Variants in PCLO observed in about 807,000 individuals in gnomAD.
PCLO encodes the protein protein piccolo.
Under a neutral mutation model 427.5 loss-of-function variants are expected in PCLO, and 82 were observed. The observed-to-expected ratio is 0.19, with a 90% confidence interval of 0.16 to 0.23. PCLO has a LOEUF of 0.23. PCLO is among the 10% of genes least tolerant of loss of function. The pLI is 1.00. For synonymous variants in PCLO, 2,357 were observed against 2,155.4 expected, an observed-to-expected ratio of 1.09 and a Z score of -2.59; for missense variants, 6,239 against 6,115.9, an observed-to-expected ratio of 1.02 and a Z score of -0.67.
rs139337290 is a variant in PCLO, at chr7:82,873,329, C to A, written c.13654+6008G>T. 2.6e-3 allele frequency among the ~76,000 whole-genome samples: 398 copies of A among 151,952 alleles called. 1 individual carries two copies. Among genetic ancestry groups the A allele is most frequent in the Non-Finnish European group, 4.5e-3 (306 of 67,956 alleles). On this transcript the variant is annotated intron_variant, in intron 10 of 24. Coordinates refer to ENST00000333891, the MANE Select transcript of PCLO (RefSeq NM_033026.6). ...CACACTCCCGTCATCCTCTTCCACTCTCATTAGAATCAATGAGATGTAAGG... is the reference window on the plus strand; with the variant it reads ...CACACTCCCGTCATCCTCTTCCACTATCATTAGAATCAATGAGATGTAAGG...
rs571108517 is a variant in PCLO at position 83,146,920 on chromosome 7, G to A, written c.1893+7828C>T. 5.9e-5 allele frequency among the ~76,000 whole-genome samples: 9 copies of A among 151,952 alleles called. No individual in the cohort carries two copies. In the South Asian group the frequency reaches 1.9e-3, roughly 32 times the overall value. ...CCCAGACCCAATAAATGATCTTAAC[G>A]GTGGGTATCTGCCTTCACAGCAGAA... On this transcript the variant is annotated intron_variant, in intron 2 of 24. Transcript: ENST00000333891.
At chr7:82,967,205 T>TC (rs1237680739) in intron 3 of PCLO, among the ~76,000 whole-genome samples, 1 of 133,268 alleles carries the variant, frequency 7.5e-6, no homozygotes, top group African/African-American at 4.0e-5. Context: ...TTCTTTTTTT[T>TC]TTTTTTTTTG....
intron 3 of PCLO, among the ~76,000 whole-genome samples, chr7:83,087,633 T>C (rs1209302671): frequency 6.6e-6 from 1 of 152,184 alleles, no homozygotes; most frequent in East Asian, 1.9e-4. Flanking sequence ...TTTATCATTT[T>C]TCTTTATATC....
intron 22 of PCLO, among the ~76,000 whole-genome samples, chr7:82,781,269 A>G (rs558312293): frequency 6.6e-6 from 1 of 151,916 alleles, no homozygotes; most frequent in African/African-American, 2.4e-5. Flanking sequence ...GACTTACAAT[A>G]TAAAGAAACT....
intron 2 of PCLO, among the ~76,000 whole-genome samples, chr7:83,148,538 T>A (rs549660049): frequency 6.6e-6 from 1 of 152,290 alleles, no homozygotes; most frequent in South Asian, 2.1e-4. Flanking sequence ...GTTTTTTAAC[T>A]CTATGCAATC....
At chr7:83,000,685 T>C (rs1029456724) in intron 3 of PCLO, among the ~76,000 whole-genome samples, 1 of 152,062 alleles carries the variant, frequency 6.6e-6, no homozygotes, top group Non-Finnish European at 1.5e-5. Context: ...GCTGCTCATG[T>C]CCTGCTGTGT....
intron 22 of PCLO, among the ~76,000 whole-genome samples, chr7:82,772,565 C>T (rs1323160984): frequency 6.6e-6 from 1 of 152,066 alleles, no homozygotes; most frequent in African/African-American, 2.4e-5. Flanking sequence ...ATATTTTATA[C>T]AATAAGGCAG....
chr7:83,018,068 T>C (rs1232951492), intron 3 of PCLO: 1 of 152,020 alleles, frequency 6.6e-6, no homozygotes, highest in East Asian at 1.9e-4. Flanking sequence ...ATTAAATTTA[T>C]TATCCATTTG....
At chr7:82,771,065 C>T (rs1790637501) in intron 22 of PCLO, among the ~76,000 whole-genome samples, 1 of 151,690 alleles carries the variant, frequency 6.6e-6, no homozygotes, top group African/African-American at 2.4e-5. Flanking sequence ...AAGAGGGAAG[C>T]AGAATGTAAC....
At chr7:82,786,631 T>C (rs961563131) in intron 22 of PCLO, among the ~76,000 whole-genome samples, 4 of 152,284 alleles carry the variant, frequency 2.6e-5, no homozygotes, top group Non-Finnish European at 5.9e-5. Flanking sequence ...CTGAGGTACA[T>C]GTGCAGAGCA....
intron 6 of PCLO, among the ~76,000 whole-genome samples, chr7:82,919,764 A>G (rs998816118): frequency 6.6e-6 from 1 of 151,968 alleles, no homozygotes; most frequent in Non-Finnish European, 1.5e-5. Flanking sequence ...TTAAATTGTA[A>G]ATATGATCAT....
At chr7:82,972,898 T>A (rs532847897) in intron 3 of PCLO, among the ~76,000 whole-genome samples, 74 of 152,110 alleles carry the variant, frequency 4.9e-4, no homozygotes, top group Non-Finnish European at 9.0e-4. Context: ...ATACACCAAT[T>A]GGGGAGCAAT....
In PCLO at chr7:83,136,515, T is replaced by C. The variant is rs1366369059; in HGVS notation, c.1894-859A>G. 2.6e-5 allele frequency among the ~76,000 whole-genome samples: 4 copies of C among 152,060 alleles called. No individual in the cohort carries two copies. In the East Asian group the frequency reaches 5.8e-4, roughly 22 times the overall value. On this transcript the variant is annotated intron_variant, in intron 2 of 24. Transcript: ENST00000333891. ...AAATTAGCAAAGCATTACTCCCCCCTCCCAGGTGACATTCAAATATTTTAA... is the reference window on the plus strand; with the variant it reads ...AAATTAGCAAAGCATTACTCCCCCCCCCCAGGTGACATTCAAATATTTTAA...
intron 3 of PCLO, among the ~76,000 whole-genome samples, chr7:83,085,538 C>A (rs1190343380): frequency 1.3e-5 from 2 of 152,096 alleles, no homozygotes; most frequent in Non-Finnish European, 2.9e-5. Flanking sequence ...TGCTCAGTCT[C>A]CCTTATTTCC....
intron 3 of PCLO, among the ~76,000 whole-genome samples, chr7:83,068,604 T>C (rs116932808): frequency 0.021 from 3,214 of 152,268 alleles, 70 homozygotes; most frequent in Non-Finnish European, 0.034. Context: ...CCTGTTAGAA[T>C]AGCTGTTATA....
At chr7:82,859,742 C>T (rs941309965) in intron 10 of PCLO, among the ~76,000 whole-genome samples, 1 of 152,032 alleles carries the variant, frequency 6.6e-6, no homozygotes, top group Non-Finnish European at 1.5e-5. Flanking sequence ...CACCAAGAAA[C>T]AATCCTGGAG....
chr7:83,073,123 C>A (rs1789861115), intron 3 of PCLO, among the ~76,000 whole-genome samples: 1 of 151,922 alleles, frequency 6.6e-6, no homozygotes, highest in Admixed American at 6.6e-5. Flanking sequence ...TCCCTGCCAT[C>A]TAGTGATAGC....
At chr7:83,000,268 T>TGAGAGAGAGAGAGAGAGAGA (rs145445022) in intron 3 of PCLO, among the ~76,000 whole-genome samples, 4 of 54,114 alleles carry the variant, frequency 7.4e-5, no homozygotes, top group African/African-American at 3.3e-4. Context: ...TTCAAAGTGT[T>TGAGAGAGAGAGAGAGAGAGA]GAGAGAGAGA....
intron 3 of PCLO, among the ~76,000 whole-genome samples, chr7:83,029,755 T>G (rs1284988619): frequency 7.3e-5 from 9 of 123,158 alleles, no homozygotes; most frequent in African/African-American, 1.9e-4. Flanking sequence ...ATGTGGCACA[T>G]ATACACCATG....
Sources: gnomAD v4.1 joint callset for allele counts (sites outside exome capture counted in the v4.1 genomes callset) on GRCh38, gnomAD v4.1.1 for gene constraint, MANE v1.5 for transcripts, NCBI Gene and HGNC (gene_info 2026-07-23, HGNC 2026-07-21) for gene names.